C11orf65: variants seen among roughly 807,000 people sequenced by gnomAD.
C11orf65 encodes protein MFI.
C11orf65 carries 38 observed loss-of-function variants against 35.3 expected under a neutral mutation model. That is an observed-to-expected ratio of 1.08 (90% CI 0.83 to 1.41). C11orf65 has a LOEUF of 1.41. C11orf65 is among the 40% of genes most tolerant of loss of function. The pLI is 0.00. For synonymous variants in C11orf65, 105 were observed against 114.4 expected (o/e 0.92, Z 0.53); for missense variants, 370 against 367.1 (o/e 1.01, Z -0.06).
At chr11:108,393,185 C>T (rs2092209441) in intron 7 of C11orf65, 23 bp downstream of exon 7, 2 of 1,597,406 alleles carry the variant, frequency 1.3e-6, no homozygotes, top group East Asian at 4.5e-5. Flanking sequence ...CCTTGTTCCC[C>T]AAGAATAGCA....
At chr11:108,461,705 G>A in intron 1 of C11orf65, 137 bp from the exon 2 acceptor site, 1 of 568,788 alleles carries the variant, frequency 1.8e-6, no homozygotes, top group Non-Finnish European at 3.0e-6. Flanking sequence ...ATAGCTCACT[G>A]TAGCCTCAAA....
chr11:108,415,928 A>G lies in C11orf65; in HGVS notation c.175-8779T>C, dbSNP rs540015141. Reference sequence around the variant, plus strand: ...TGCGGGAATCCACGTTCAAGAAAAAAAAAATCTAGACAAAGATCTTACACC... The same window carrying G: ...TGCGGGAATCCACGTTCAAGAAAAAGAAAATCTAGACAAAGATCTTACACC... On this transcript the variant is annotated intron_variant, in intron 3 of 8. Coordinates refer to ENST00000393084, the MANE Select transcript of C11orf65 (RefSeq NM_152587.5). 5.5e-3 allele frequency among the ~76,000 whole-genome samples: 833 copies of G among 152,330 alleles called. 26 individuals carry two copies. In the East Asian group the frequency reaches 0.098, roughly 18 times the overall value.
intron 6 of C11orf65, among the ~76,000 whole-genome samples, chr11:108,401,558 A>G (rs1490541719): frequency 2.0e-5 from 3 of 152,212 alleles, no homozygotes; most frequent in Non-Finnish European, 4.4e-5. Flanking sequence ...GAAAAGTAAG[A>G]AACGATGTAA....
chr11:108,330,112 A>G (rs2086096154), downstream of C11orf65: 3 of 1,378,904 alleles, frequency 2.2e-6, no homozygotes, highest in Admixed American at 2.0e-5. Context: ...TCCCTGGGAT[A>G]AAAACCCAAC....
chr11:108,419,912 T>G (rs879749904), intron 3 of C11orf65, among the ~76,000 whole-genome samples: 1 of 152,114 alleles, frequency 6.6e-6, no homozygotes, highest in Admixed American at 6.6e-5. Flanking sequence ...CAGTGTATAA[T>G]GGCAAGAAAA....
chr11:108,315,782 T>A (rs748873327), intron 6 of C11orf65: 1 of 1,533,304 alleles, frequency 6.5e-7, no homozygotes, highest in Non-Finnish European at 9.0e-7. Context: ...ATAGACCGAT[T>A]TTTTTTCCTT....
chr11:108,383,251 G>A lies in C11orf65; in HGVS notation c.788-76C>T, dbSNP rs2091905571. ...TCACTCAAAATGCTACTGTGTTGTG[G>A]TCTGTTCCACATTCCTTTTCACCAT... On this transcript the variant is annotated intron_variant, in intron 8 of 8. Transcript: ENST00000393084. The A allele has an allele frequency of 1.7e-5, 21 of 1,231,828 alleles. No homozygotes were observed. In the South Asian group the frequency reaches 2.9e-4, roughly 17 times the overall value. The allele number at this position is 1,231,828 out of a possible 1,614,324, so 76.3% of individuals were successfully genotyped here. A position where few individuals can be genotyped will look rare whatever the true frequency, so the allele number is the denominator to read the frequency against.
chr11:108,405,648 T>C (rs959074792), intron 5 of C11orf65, 89 bp from the exon 6 acceptor site: 7 of 1,309,496 alleles, frequency 5.3e-6, no homozygotes, highest in African/African-American at 1.5e-5. Flanking sequence ...ATGTGTTCAG[T>C]AGGAATATGG....
chr11:108,435,179 T>C (rs1198983894), intron 2 of C11orf65, among the ~76,000 whole-genome samples: 1 of 152,188 alleles, frequency 6.6e-6, no homozygotes, highest in African/African-American at 2.4e-5. Context: ...TTGCTTCCTG[T>C]CCTTCTTTGT....
intron 3 of C11orf65, among the ~76,000 whole-genome samples, chr11:108,424,942 G>C (rs1005044213): frequency 2.6e-5 from 4 of 152,152 alleles, no homozygotes; most frequent in Admixed American, 6.5e-5. Flanking sequence ...AAATAAATAA[G>C]TTATTTGAAA....
intron 2 of C11orf65, among the ~76,000 whole-genome samples, chr11:108,451,698 G>A (rs2093349974): frequency 2.6e-5 from 4 of 152,146 alleles, no homozygotes; most frequent in Admixed American, 2.6e-4. Context: ...GCATTGCCAA[G>A]ACAATCCTAA....
chr11:108,433,773 AG>A (rs2093026735), intron 2 of C11orf65, among the ~76,000 whole-genome samples: 1 of 151,854 alleles, frequency 6.6e-6, no homozygotes. Flanking sequence ...TGGGACTCAC[AG>A]GAAGTTCTAT....
chr11:108,314,913 CTGAAATTG>C (rs2136102957), intron 6 of C11orf65, among the ~76,000 whole-genome samples: 1 of 152,270 alleles, frequency 6.6e-6, no homozygotes, highest in East Asian at 1.9e-4. Context: ...AATCATCTGT[CTGAAATTG>C]TAGGCAACCA....
At chr11:108,372,472 C>T (rs185058987) in intron 2 of C11orf65, among the ~76,000 whole-genome samples, 3 of 152,282 alleles carry the variant, frequency 2.0e-5, no homozygotes, top group Admixed American at 6.5e-5. Flanking sequence ...GGATTACAGG[C>T]GTGAGCCACT....
intron 2 of C11orf65, among the ~76,000 whole-genome samples, chr11:108,357,597 G>C (rs1425410787): frequency 6.6e-6 from 1 of 152,012 alleles, no homozygotes. Flanking sequence ...GCTGGAGATC[G>C]GACAACAGGC....
At chr11:108,356,329 A>T (rs1467527299) in intron 2 of C11orf65, among the ~76,000 whole-genome samples, 2 of 152,180 alleles carry the variant, frequency 1.3e-5, no homozygotes, top group East Asian at 3.8e-4. Context: ...TGAGGTCAGG[A>T]GTTCAAGACC....
chr11:108,466,833 T>C (rs1258163766), intron 1 of C11orf65, among the ~76,000 whole-genome samples: 1 of 152,250 alleles, frequency 6.6e-6, no homozygotes, highest in African/African-American at 2.4e-5. Flanking sequence ...AAACAATCTT[T>C]ACTTTGCTTG....
rs140990798 is a variant in C11orf65, at chr11:108,435,092, T to C, written c.82-3254A>G. On this transcript the variant is annotated intron_variant, in intron 2 of 8. Transcript: ENST00000393084. ...CTATTTCTCACACAGCCAGCATCCA[T>C]GAATTTGGGAATTAAGTGGTAGAAA... 6.8e-3 allele frequency among the ~76,000 whole-genome samples: 1,031 copies of C among 152,330 alleles called. 16 individuals are homozygous for C. The highest frequency in any genetic ancestry group is 0.023 in the African/African-American group (954 of 41,566).
intron 3 of C11orf65, among the ~76,000 whole-genome samples, chr11:108,412,916 T>C (rs1260088925): frequency 6.6e-6 from 1 of 152,130 alleles, no homozygotes; most frequent in Non-Finnish European, 1.5e-5. Context: ...CAGCAAAATA[T>C]GTGAAGCAAA....
Sources: allele counts gnomAD v4.1 joint callset (sites outside exome capture counted in the v4.1 genomes callset), GRCh38; gene constraint gnomAD v4.1.1; transcripts MANE v1.5; gene names NCBI Gene and HGNC (gene_info 2026-07-23, HGNC 2026-07-21).